ZNF35: variants seen among roughly 807,000 people sequenced by gnomAD.
ZNF35 encodes zinc finger protein 35 (clone HF.10).
Under a neutral mutation model 45.9 loss-of-function variants are expected in ZNF35, and 31 were observed. The observed-to-expected ratio is 0.68, with a 90% confidence interval of 0.51 to 0.91. The LOEUF (loss-of-function observed/expected upper bound fraction) is 0.91, where lower values mean the gene tolerates loss of function less well. Among genes scored for constraint, ZNF35 ranks in the 40% least tolerant of loss-of-function variants. ZNF35 has a pLI of 0.00. For synonymous variants in ZNF35, 205 were observed against 220.2 expected (o/e 0.93, Z 0.61); for missense variants, 515 against 625.4 (o/e 0.82, Z 1.88).
At chr3:44,647,939 T>C (rs1407521705), upstream of ZNF35, 1 of 152,184 alleles carries the variant, frequency 6.6e-6, no homozygotes, top group Non-Finnish European at 1.5e-5. Context: ...ACACACATAC[T>C]GTACCAATGT....
At chr3:44,658,290 C>A (rs1703343860) in intron 3 of ZNF35, among the ~76,000 whole-genome samples, 1 of 152,196 alleles carries the variant, frequency 6.6e-6, no homozygotes. Context: ...GGGTTGCAAG[C>A]AAATCCACAC....
intron 3 of ZNF35, among the ~76,000 whole-genome samples, chr3:44,652,980 C>A (rs1421921611): frequency 6.6e-6 from 1 of 152,236 alleles, no homozygotes; most frequent in East Asian, 1.9e-4. Flanking sequence ...GAAGAAGAGA[C>A]CCAGAGCCAG....
rs1393059643 is a variant in ZNF35 at position 44,660,452 on chromosome 3, G to T, written c.*505G>T. ...TGTTTATAAGCTTTCCATTTCCTAG[G>T]TAATTTTTTAAAAGCCAGTCAAAAC... On this transcript the variant is annotated 3_prime_UTR_variant, in exon 4 of 4. Transcript: ENST00000396056. 1 of 152,522 alleles carries T rather than the reference G, an allele frequency of 6.6e-6. No homozygotes were observed. Among genetic ancestry groups the T allele is most frequent in the African/African-American group, 2.4e-5 (1 of 41,424 alleles). 9.4% of individuals were successfully genotyped at this position (152,522 alleles called of 1,614,324 possible).
At chr3:44,655,824 TG>T (rs1703290628) in intron 3 of ZNF35, among the ~76,000 whole-genome samples, 1 of 152,246 alleles carries the variant, frequency 6.6e-6, no homozygotes. Context: ...TAGAAGGAAT[TG>T]TTTCCGTTAT....
At chr3:44,646,606 A>G, upstream of ZNF35, 2 of 832,968 alleles carry the variant, frequency 2.4e-6, no homozygotes, top group South Asian at 1.4e-5. Flanking sequence ...AAATATTATT[A>G]TGATGAAAAA....
Position 44,652,558 on chromosome 3 carries a change from G to T in ZNF35, c.194G>T (p.Gly65Val). 2 of 1,597,012 alleles carry T rather than the reference G, an allele frequency of 1.3e-6. No individual in the cohort carries two copies. Among genetic ancestry groups the T allele is most frequent in the Non-Finnish European group, 8.5e-7 (1 of 1,172,304 alleles). ...AAACATGTGCCTGCTTGTCTCTAGGGTCAGAACATATCCTGGGATATGGCG... is the reference window on the plus strand; with the variant it reads ...AAACATGTGCCTGCTTGTCTCTAGGTTCAGAACATATCCTGGGATATGGCG... Reference protein sequence around the residue: ...GLDGSEEEEKGQNISWDMAVV... With the variant: ...GLDGSEEEEKVQNISWDMAVV... The change falls in exon 3 of 4, where the codon GGT becomes GTT. Residue 65 changes from glycine to valine, a missense_variant and splice_region_variant. Coordinates refer to ENST00000396056, the MANE Select transcript of ZNF35 (RefSeq NM_003420.4).
chr3:44,652,009 G>A (rs760187054), intron 2 of ZNF35, among the ~76,000 whole-genome samples: 1 of 152,118 alleles, frequency 6.6e-6, no homozygotes, highest in Non-Finnish European at 1.5e-5. Flanking sequence ...TTCTGATTGA[G>A]GATGTCTGGG....
rs760202745 is a variant in ZNF35, at chr3:44,648,826, C to T, written c.-136C>T. ...AGTGAACTCAGGTCGGGCTTCTCAG[C>T]TGCGCACAGTGAGTGGGGTCGGAGG... On this transcript the variant is annotated 5_prime_UTR_variant, in exon 1 of 4. Transcript: ENST00000396056. The T allele has an allele frequency of 6.6e-5, 10 of 152,370 alleles. No homozygotes were observed. Among genetic ancestry groups the T allele is most frequent in the Non-Finnish European group, 1.2e-4 (8 of 68,154 alleles). The allele number at this position is 152,370 out of a possible 1,614,324, so 9.4% of individuals were successfully genotyped here.
rs3732518 is a variant in ZNF35 at position 44,658,889 on chromosome 3, C to A, written c.526C>A (p.Gln176Lys). ...AAAGAGAGAAAAGAAAGATTTCAGA[C>A]AAGTGATAGTGAATGACTGTCACTT... ...RIKREKKDFR[Q>K]VIVNDCHLPE... The change falls in exon 4 of 4, where the codon CAA (glutamine) becomes AAA (lysine). Residue 176 changes from glutamine (Q) to lysine (K), a missense_variant. Physicochemically the swap from Gln to Lys is moderately conservative, Grantham distance 53. Transcript: ENST00000396056. The A allele has an allele frequency of 3.1e-6, 5 of 1,612,276 alleles. No individual in the cohort carries two copies. Among genetic ancestry groups the A allele is most frequent in the East Asian group, 2.2e-5 (1 of 44,888 alleles).
Position 44,660,262 on chromosome 3 carries a change from T to G in ZNF35, c.*315T>G, listed in dbSNP as rs927040535. 1.4e-5 allele frequency: 3 copies of G among 212,376 alleles called. No homozygotes were observed. Among genetic ancestry groups the G allele is most frequent in the Admixed American group, 1.1e-4 (2 of 18,942 alleles). 13.2% of individuals were successfully genotyped at this position (212,376 alleles called of 1,614,324 possible). On this transcript the variant is annotated 3_prime_UTR_variant, in exon 4 of 4. Coordinates refer to ENST00000396056, the MANE Select transcript of ZNF35 (RefSeq NM_003420.4). The stretch of plus-strand genomic sequence containing the variant: ...AATGATGCTATTTGGGGAAAGGTCT[T>G]TTTTGCTTAATTTTGTTTTTTAAAA...
chr3:44,648,336 T>C (rs1358944209), upstream of ZNF35: 1 of 152,208 alleles, frequency 6.6e-6, no homozygotes, highest in Non-Finnish European at 1.5e-5. Flanking sequence ...ATTTTAAATA[T>C]GTATTGAGAG....
intron 1 of ZNF35, among the ~76,000 whole-genome samples, chr3:44,649,836 A>G (rs1703150587): frequency 6.6e-6 from 1 of 152,256 alleles, no homozygotes; most frequent in Non-Finnish European, 1.5e-5. Context: ...GCCACAATTT[A>G]GAATACTATG....
intron 3 of ZNF35, among the ~76,000 whole-genome samples, chr3:44,653,258 A>G (rs1703238366): frequency 6.6e-6 from 1 of 152,180 alleles, no homozygotes; most frequent in East Asian, 1.9e-4. Flanking sequence ...GGGAATGGAT[A>G]AGGAATGGAT....
intron 1 of ZNF35, among the ~76,000 whole-genome samples, chr3:44,649,811 GTAAA>G (rs1317417253): frequency 6.6e-6 from 1 of 152,074 alleles, no homozygotes; most frequent in East Asian, 1.9e-4. Context: ...ATATGATTAA[GTAAA>G]TGATAATATA....
chr3:44,648,630 T>C (rs1703097127), upstream of ZNF35: 1 of 152,112 alleles, frequency 6.6e-6, no homozygotes, highest in Non-Finnish European at 1.5e-5. Context: ...ATCCCTGGTC[T>C]GGGGCGACAT....
intron 1 of ZNF35, among the ~76,000 whole-genome samples, chr3:44,649,553 A>C (rs1343723668): frequency 6.6e-6 from 1 of 152,162 alleles, no homozygotes; most frequent in African/African-American, 2.4e-5. Context: ...CTCACAGGTT[A>C]AAAACAAAAA....
chr3:44,658,902 A>G lies in ZNF35; in HGVS notation c.539A>G (p.Asn180Ser). ...AAAGATTTCAGACAAGTGATAGTGA[A>G]TGACTGTCACTTACCTGAAAGCTTC... ...EKKDFRQVIVNDCHLPESFKE... is the reference protein window; with the variant it reads ...EKKDFRQVIVSDCHLPESFKE... The change falls in exon 4 of 4, where the codon AAT (asparagine) becomes AGT (serine). Residue 180 changes from asparagine to serine, a missense_variant. Asn to Ser is a conservative substitution (Grantham distance 46). Coordinates refer to ENST00000396056, the MANE Select transcript of ZNF35 (RefSeq NM_003420.4). 6.2e-7 allele frequency: 1 copy of G among 1,612,948 alleles called. No homozygotes were observed. The highest frequency in any genetic ancestry group is 1.1e-5 in the South Asian group (1 of 90,776).
rs1236463445 is a variant in ZNF35 at position 44,648,800 on chromosome 3, C to G, written c.-162C>G. 3 of 152,296 alleles carry G rather than the reference C, an allele frequency of 2.0e-5. No individual in the cohort carries two copies. The East Asian group carries it at 5.8e-4, about 29-fold the overall frequency. The allele number at this position is 152,296 out of a possible 1,614,324, so 9.4% of individuals were successfully genotyped here. A position where few individuals can be genotyped will look rare whatever the true frequency, so the allele number is the denominator to read the frequency against. ...GTCAGCCAGCCTCCTGCTGCAGAGC[C>G]AGTGAACTCAGGTCGGGCTTCTCAG... On this transcript the variant is annotated 5_prime_UTR_variant, in exon 1 of 4. Transcript: ENST00000396056.
Position 44,659,023 on chromosome 3 carries a change from G to C in ZNF35, c.660G>C (p.Lys220Asn). The C allele has an allele frequency of 6.2e-7, 1 of 1,614,204 alleles. No individual in the cohort carries two copies. The highest frequency in any genetic ancestry group is 8.5e-7 in the Non-Finnish European group (1 of 1,180,034). Residue 220 changes from lysine (K) to asparagine (N), a missense_variant, in exon 4 of 4, where the codon AAG (lysine) becomes AAC (asparagine). Physicochemically the swap from Lys to Asn is moderately conservative, Grantham distance 94 (BLOSUM62 0). Around this residue, in one of 3 missense-constraint regions of ZNF35, gnomAD observed 275 missense variants for 295.7 expected, o/e 0.93. Transcript: ENST00000396056. This position sits in a 1 kb window ranked among gnomAD's most constrained non-coding sequence, Gnocchi z 4.3. Reference sequence around the variant, plus strand: ...ATCCAAAAACCCAGCTTGGACAAAAGCCTTTTACGTGTAGCGTGTGTGGGA... The same window carrying C: ...ATCCAAAAACCCAGCTTGGACAAAACCCTTTTACGTGTAGCGTGTGTGGGA... ...VKNPKTQLGQ[K>N]PFTCSVCGKG... is the part of the protein sequence containing the mutation.
Sources: allele counts gnomAD v4.1 joint callset (sites outside exome capture counted in the v4.1 genomes callset), GRCh38; gene constraint gnomAD v4.1.1; regional missense constraint gnomAD v4.1.1; non-coding constraint Gnocchi (gnomAD v3.1); transcripts MANE v1.5; gene names NCBI Gene and HGNC (gene_info 2026-07-23, HGNC 2026-07-21).